The following IFFO1 variants were observed in gnomAD, a reference collection of about 807,000 sequenced individuals.
IFFO1 encodes the protein non-homologous end joining factor IFFO1.
IFFO1 carries 42 observed loss-of-function variants against 59.6 expected under a neutral mutation model. That is an observed-to-expected ratio of 0.70 (90% confidence interval 0.55 to 0.91). The LOEUF (loss-of-function observed/expected upper bound fraction) is 0.91. Ranked by LOEUF, IFFO1 falls within the 40% of genes least tolerant of loss-of-function variation. IFFO1 has a pLI of 0.00. For synonymous variants in IFFO1, 336 were observed against 342.8 expected (o/e 0.98, Z 0.22); for missense variants, 711 against 793.2 (o/e 0.90, Z 1.24).
chr12:6,551,440 A>G (rs1592221324), intron 1 of IFFO1: 2 of 1,296,986 alleles, frequency 1.5e-6, no homozygotes, highest in Middle Eastern at 2.1e-4. Flanking sequence ...TGCCCGCACC[A>G]GAACAGAGCT....
At position 6,555,240 on chromosome 12, in the gene IFFO1, C is replaced by G. The variant is rs759935291; in HGVS notation, c.773+17G>C. 1 of 1,613,294 alleles carries G rather than the reference C, an allele frequency of 6.2e-7. No individual in the cohort carries two copies. Among genetic ancestry groups the G allele is most frequent in the Non-Finnish European group, 8.5e-7 (1 of 1,179,356 alleles). On this transcript the variant is annotated intron_variant, in intron 1 of 9. Coordinates refer to ENST00000619571, the MANE Select transcript of IFFO1 (RefSeq NM_001193457.2). This position sits in a 1 kb window ranked among gnomAD's most constrained non-coding sequence, Gnocchi z 8.6. ...GGTATGACACAGAGAGACCTGTCCC[C>G]CTTTCCCAATCCCTACCTCCGCTTG...
chr12:6,542,377 G>A (rs971864116), intron 8 of IFFO1, among the ~76,000 whole-genome samples: 4 of 152,278 alleles, frequency 2.6e-5, no homozygotes, highest in South Asian at 2.1e-4. Flanking sequence ...TGAGGCAGGC[G>A]GAGAGGCAGG....
chr12:6,548,571 G>T lies in IFFO1; in HGVS notation c.1263-26C>A, dbSNP rs770103533. 1 of 1,613,496 alleles carries T rather than the reference G, an allele frequency of 6.2e-7. No homozygotes were observed. ...CTAGAGACAGGGAACCCGGGTGTCA[G>T]GGCGGGCGGGGCCTCGTCCTGGCGG... On this transcript the variant is annotated intron_variant, in intron 6 of 9. Coordinates refer to ENST00000619571, the MANE Select transcript of IFFO1 (RefSeq NM_001193457.2). The surrounding 1 kb of genome is among the most constrained non-coding windows in gnomAD (Gnocchi z 6.1).
At chr12:6,553,142 TA>T (rs1947307050) in intron 1 of IFFO1, among the ~76,000 whole-genome samples, 1 of 152,022 alleles carries the variant, frequency 6.6e-6, no homozygotes, top group Non-Finnish European at 1.5e-5. Context: ...AGTGTTGCTA[TA>T]AAGAGACCAG....
Position 6,541,760 on chromosome 12 carries a change from C to T in IFFO1, c.1480-118G>A. On this transcript the variant is annotated intron_variant, in intron 8 of 9. Coordinates refer to ENST00000619571, the MANE Select transcript of IFFO1 (RefSeq NM_001193457.2). This position sits in a 1 kb window ranked among gnomAD's most constrained non-coding sequence, Gnocchi z 4.8. Reference sequence around the variant, plus strand: ...TGGCTGGGCCGGGGGCCCAGGCAGCCATTACTGAAGGCTCAGATTTTAAAA... The same window carrying T: ...TGGCTGGGCCGGGGGCCCAGGCAGCTATTACTGAAGGCTCAGATTTTAAAA... The T allele has an allele frequency of 1.6e-6, 2 of 1,245,848 alleles. No homozygotes were observed. The highest frequency in any genetic ancestry group is 2.3e-6 in the Non-Finnish European group (2 of 880,488). 77.2% of individuals were successfully genotyped at this position (1,245,848 alleles called of 1,614,324 possible).
chr12:6,548,998 CG>C lies in IFFO1; in HGVS notation c.1081-150del. ...AGTTACAATGACAGGAACAGAAACA[CG>C]GACAGTCACCAAGGGCCAGACACAC... On this transcript the variant is annotated intron_variant, in intron 5 of 9. Transcript: ENST00000619571. This position sits in a 1 kb window ranked among gnomAD's most constrained non-coding sequence, Gnocchi z 6.1. 1 of 681,194 alleles carries C rather than the reference CG, an allele frequency of 1.5e-6. No homozygotes were observed. The highest frequency in any genetic ancestry group is 2.5e-6 in the Non-Finnish European group (1 of 405,158). The allele number at this position is 681,194 out of a possible 1,614,324, so 42.2% of individuals were successfully genotyped here. A position where few individuals can be genotyped will look rare whatever the true frequency, so the allele number is the denominator to read the frequency against.
In IFFO1 at chr12:6,549,434, T is replaced by G. The variant is rs762323647; in HGVS notation, c.1080+42A>C. 1.2e-6 allele frequency: 2 copies of G among 1,612,814 alleles called. No individual in the cohort carries two copies. Among genetic ancestry groups the G allele is most frequent in the Non-Finnish European group, 1.7e-6 (2 of 1,178,964 alleles). ...CAGGAGGCCTAGGCAGCTTAGAAAC[T>G]GGGACTGGGACATTAATAAGCTTGC... On this transcript the variant is annotated intron_variant, in intron 5 of 9. Coordinates refer to ENST00000619571, the MANE Select transcript of IFFO1 (RefSeq NM_001193457.2). The surrounding 1 kb of genome is among the most constrained non-coding windows in gnomAD (Gnocchi z 5.0).
chr12:6,542,929 A>G (rs993283562), intron 8 of IFFO1, among the ~76,000 whole-genome samples: 2 of 152,226 alleles, frequency 1.3e-5, no homozygotes, highest in Non-Finnish European at 2.9e-5. Context: ...CAAGGCTAGT[A>G]CTGCCACCAG....
intron 1 of IFFO1, among the ~76,000 whole-genome samples, chr12:6,554,758 G>C (rs1163228231): frequency 6.6e-6 from 1 of 152,248 alleles, no homozygotes; most frequent in Non-Finnish European, 1.5e-5. Flanking sequence ...AACCACAGCA[G>C]GTACCTGGTT....
intron 8 of IFFO1, among the ~76,000 whole-genome samples, chr12:6,542,766 A>G (rs1203311833): frequency 6.6e-6 from 1 of 152,124 alleles, no homozygotes; most frequent in Non-Finnish European, 1.5e-5. Flanking sequence ...ACCCAGGGGG[A>G]AAATACAGTG....
chr12:6,545,269 A>C (rs1015511923), intron 8 of IFFO1, among the ~76,000 whole-genome samples: 4 of 152,156 alleles, frequency 2.6e-5, no homozygotes, highest in Admixed American at 2.0e-4. Context: ...CTCTCTCCTT[A>C]TCCACTGGTT....
intron 8 of IFFO1, among the ~76,000 whole-genome samples, chr12:6,547,175 C>T (rs142769046): frequency 4.6e-5 from 7 of 152,152 alleles, no homozygotes; most frequent in Non-Finnish European, 7.4e-5. Context: ...TTTGTGGGGC[C>T]GAGTTAGGAG....
chr12:6,549,991 T>G lies in IFFO1; in HGVS notation c.931-95A>C. Reference sequence around the variant, plus strand: ...AAGGTCCTCATCCTTCCCACCACATTGCACCGGTGCCTCTTCTGTGGAGTC... The same window carrying G: ...AAGGTCCTCATCCTTCCCACCACATGGCACCGGTGCCTCTTCTGTGGAGTC... On this transcript the variant is annotated intron_variant, in intron 3 of 9. Transcript: ENST00000619571. This position sits in a 1 kb window ranked among gnomAD's most constrained non-coding sequence, Gnocchi z 5.0. The G allele has an allele frequency of 1.5e-6, 2 of 1,337,528 alleles. No homozygotes were observed. The allele number at this position is 1,337,528 out of a possible 1,614,324, so 82.9% of individuals were successfully genotyped here.
At chr12:6,554,152 G>A (rs1054508964) in intron 1 of IFFO1, among the ~76,000 whole-genome samples, 6 of 151,664 alleles carry the variant, frequency 4.0e-5, no homozygotes, top group Admixed American at 6.6e-5. Context: ...GATCCCTGAA[G>A]GTCGCCCCTA....
chr12:6,543,010 C>T (rs1008529722), intron 8 of IFFO1, among the ~76,000 whole-genome samples: 3 of 152,182 alleles, frequency 2.0e-5, no homozygotes, highest in African/African-American at 4.8e-5. Flanking sequence ...AGGAGGTGAA[C>T]GTGCATGTCA....
chr12:6,550,646 G>A (rs1947188903), intron 3 of IFFO1, 49 bp downstream of exon 3: 1 of 1,437,704 alleles, frequency 7.0e-7, no homozygotes. Flanking sequence ...TACTCTTCTG[G>A]CCTCAGAAGC....
chr12:6,550,241 A>T, intron 3 of IFFO1: 1 of 330,902 alleles, frequency 3.0e-6, no homozygotes, highest in Non-Finnish European at 5.6e-6. Flanking sequence ...CCTGGGAATT[A>T]TAAGAGTGGA....
Position 6,540,234 on chromosome 12 carries a change from C to T in IFFO1, c.*249G>A, listed in dbSNP as rs988567029. 6.4e-5 allele frequency: 36 copies of T among 565,102 alleles called. No individual in the cohort carries two copies. The highest frequency in any genetic ancestry group is 1.5e-4 in the African/African-American group (8 of 52,484). The allele number at this position is 565,102 out of a possible 1,614,324, so 35.0% of individuals were successfully genotyped here. On this transcript the variant is annotated 3_prime_UTR_variant, in exon 10 of 10. Coordinates refer to ENST00000619571, the MANE Select transcript of IFFO1 (RefSeq NM_001193457.2). ...GATGGGGAAGTAGCAGACACCCACG[C>T]GTGAAGGCAGGAGAGCCCCAACTGT...
Position 6,548,577 on chromosome 12 carries a change from G to A in IFFO1, c.1263-32C>T, listed in dbSNP as rs1274663643. 1 of 1,613,472 alleles carries A rather than the reference G, an allele frequency of 6.2e-7. No individual in the cohort carries two copies. The highest frequency in any genetic ancestry group is 8.5e-7 in the Non-Finnish European group (1 of 1,179,600). On this transcript the variant is annotated intron_variant, in intron 6 of 9. Transcript: ENST00000619571. This position sits in a 1 kb window ranked among gnomAD's most constrained non-coding sequence, Gnocchi z 6.1. ...ACAGGGAACCCGGGTGTCAGGGCGG[G>A]CGGGGCCTCGTCCTGGCGGGGGACT...
Sources: allele counts gnomAD v4.1 joint callset (sites outside exome capture counted in the v4.1 genomes callset), GRCh38; gene constraint gnomAD v4.1.1; non-coding constraint Gnocchi (gnomAD v3.1); transcripts MANE v1.5; gene names NCBI Gene and HGNC (gene_info 2026-07-23, HGNC 2026-07-21).